CYP2J2: variants seen among roughly 807,000 people sequenced by gnomAD.
CYP2J2 encodes cytochrome P450 family 2 subfamily J member 2, also known as cytochrome P450 2J2.
CYP2J2 carries 41 observed loss-of-function variants against 48.8 expected under a neutral mutation model. The observed-to-expected ratio is 0.84, with a 90% CI of 0.66 to 1.09. The LOEUF (loss-of-function observed/expected upper bound fraction) is 1.09. CYP2J2 is among the 50% of genes least tolerant of loss of function. The pLI, the probability that CYP2J2 is intolerant of heterozygous loss-of-function variation, is 0.00. For synonymous variants in CYP2J2, 221 were observed against 227.1 expected (o/e 0.97, Z 0.24); for missense variants, 644 against 617.3 (o/e 1.04, Z -0.46).
At chr1:59,942,493 A>G in the CYP2J2 span, among the ~76,000 whole-genome samples, 16 of 152,198 alleles carry the variant, frequency 1.1e-4, no homozygotes, top group Non-Finnish European at 1.2e-4. Flanking sequence ...GAGGATAGAC[A>G]TCAGGTAGGA....
intron 2 of CYP2J2, among the ~76,000 whole-genome samples, chr1:59,913,489 C>G (rs1644437128): frequency 6.6e-6 from 1 of 152,160 alleles, no homozygotes; most frequent in Admixed American, 6.5e-5. Flanking sequence ...CTCCATATGA[C>G]TTTTCACCCA....
chr1:59,948,224 A>C, the CYP2J2 span, among the ~76,000 whole-genome samples: 7 of 152,152 alleles, frequency 4.6e-5, no homozygotes, highest in South Asian at 1.0e-3. Flanking sequence ...ACTATTCTTA[A>C]GTGGTCTCCT....
intron 1 of CYP2J2, among the ~76,000 whole-genome samples, chr1:59,921,622 C>T (rs866229465): frequency 2.0e-5 from 3 of 151,996 alleles, no homozygotes; most frequent in Admixed American, 1.3e-4. Context: ...AAGGCATACT[C>T]CCTTCTGAGA....
At chr1:59,896,857 A>G (rs904834949) in intron 8 of CYP2J2, among the ~76,000 whole-genome samples, 7 of 152,264 alleles carry the variant, frequency 4.6e-5, no homozygotes, top group African/African-American at 1.4e-4. Context: ...ACATTTTAAC[A>G]TATTTCCTCA....
chr1:59,899,427 G>C (rs1222719423), intron 8 of CYP2J2, among the ~76,000 whole-genome samples: 1 of 152,174 alleles, frequency 6.6e-6, no homozygotes, highest in Admixed American at 6.5e-5. Flanking sequence ...CAGCACAGGG[G>C]GAGAGCATGG....
intron 1 of CYP2J2, among the ~76,000 whole-genome samples, chr1:59,922,266 TC>T (rs1408342973): frequency 3.9e-5 from 6 of 152,220 alleles, no homozygotes; most frequent in African/African-American, 1.4e-4. Context: ...AGTTCACTGT[TC>T]GTTCTCAGTC....
the CYP2J2 span, among the ~76,000 whole-genome samples, chr1:59,964,910 A>G: frequency 6.6e-6 from 1 of 152,242 alleles, no homozygotes; most frequent in East Asian, 1.9e-4. Flanking sequence ...CAGGAGTAGT[A>G]CATGGGGCCA....
rs201004353 is a variant in CYP2J2 at position 59,909,866 on chromosome 1, T to C, written c.779A>G (p.His260Arg). ...ATCCTTTCTGTGTTTGTCAATCATA[T>C]GAGAAACAAACAATTTCAGTTTTTT... Reference protein sequence around the residue: ...NWKKLKLFVSHMIDKHRKDWN... With the variant: ...NWKKLKLFVSRMIDKHRKDWN... Residue 260 changes from histidine (H) to arginine (R), a missense_variant, in exon 5 of 9, where the codon CAT becomes CGT. Physicochemically the swap from His to Arg is conservative, Grantham distance 29 (BLOSUM62 0). Coordinates refer to ENST00000371204, the MANE Select transcript of CYP2J2 (RefSeq NM_000775.4). 17 of 1,612,838 alleles carry C rather than the reference T, an allele frequency of 1.1e-5. No homozygotes were observed. The Middle Eastern group carries it at 8.3e-4, about 78-fold the overall frequency.
intron 1 of CYP2J2, among the ~76,000 whole-genome samples, chr1:59,922,068 AC>A (rs547233621): frequency 2.0e-5 from 3 of 151,532 alleles, no homozygotes; most frequent in African/African-American, 7.3e-5. Context: ...GAAGGTCGTG[AC>A]CCCCCTGGAC....
intron 1 of CYP2J2, among the ~76,000 whole-genome samples, chr1:59,918,389 T>A (rs1644484734): frequency 6.6e-6 from 1 of 152,326 alleles, no homozygotes; most frequent in East Asian, 1.9e-4. Context: ...CCATTACTAT[T>A]TACTGAAATA....
chr1:59,938,729 C>T, the CYP2J2 span, among the ~76,000 whole-genome samples: 3 of 152,134 alleles, frequency 2.0e-5, no homozygotes, highest in African/African-American at 7.2e-5. Context: ...CAGCACAGAC[C>T]ATTCACGGGT....
At chr1:59,969,122 G>A in the CYP2J2 span, among the ~76,000 whole-genome samples, 1 of 152,220 alleles carries the variant, frequency 6.6e-6, no homozygotes, top group Non-Finnish European at 1.5e-5. Flanking sequence ...CATAAAGGCA[G>A]TGTGGACCCA....
chr1:59,953,336 T>C, the CYP2J2 span, among the ~76,000 whole-genome samples: 1 of 152,154 alleles, frequency 6.6e-6, no homozygotes, highest in Non-Finnish European at 1.5e-5. Flanking sequence ...TAGATACTGT[T>C]CTAGGTCCTA....
chr1:59,959,809 C>T, the CYP2J2 span, among the ~76,000 whole-genome samples: 1 of 152,070 alleles, frequency 6.6e-6, no homozygotes, highest in Non-Finnish European at 1.5e-5. Context: ...GAAAACCAGA[C>T]ATTATGTGTT....
In CYP2J2 at chr1:59,901,102, C is replaced by T. The variant is rs1213918210; in HGVS notation, c.1193G>A (p.Gly398Asp). 9 of 1,612,160 alleles carry T rather than the reference C, an allele frequency of 5.6e-6. No individual in the cohort carries two copies. Among genetic ancestry groups the T allele is most frequent in the African/African-American group, 1.3e-5 (1 of 74,866 alleles). Residue 398 changes from glycine to aspartate, a missense_variant and splice_region_variant, in exon 8 of 9, where the codon GGT becomes GAT. By Grantham distance (94) the Gly-to-Asp change is moderately conservative. Transcript: ENST00000371204. ...CGTCAAATTGGTCAGGATCATGGTA[C>T]CCTAGAGAAAGCAGCAGAGACTCAG... ...TTLAGYHLPK[G>D]TMILTNLTAL...
the CYP2J2 span, among the ~76,000 whole-genome samples, chr1:59,953,185 A>T: frequency 6.6e-5 from 10 of 152,152 alleles, no homozygotes; most frequent in African/African-American, 2.2e-4. Context: ...GTCAGAGCCC[A>T]GGGAAGTTCT....
At chr1:59,932,493 G>A in the CYP2J2 span, among the ~76,000 whole-genome samples, 2 of 152,012 alleles carry the variant, frequency 1.3e-5, no homozygotes, top group Non-Finnish European at 2.9e-5. Flanking sequence ...TAAGTTCTAA[G>A]TTTCTAAGCT....
chr1:59,929,162 C>G (rs2102146355), upstream of CYP2J2, among the ~76,000 whole-genome samples: 1 of 152,292 alleles, frequency 6.6e-6, no homozygotes, highest in Non-Finnish European at 1.5e-5. Flanking sequence ...GTGTGTACAC[C>G]CAAGTCCATG....
upstream of CYP2J2, among the ~76,000 whole-genome samples, chr1:59,930,949 C>A (rs1644599936): frequency 6.6e-6 from 1 of 152,134 alleles, no homozygotes; most frequent in Non-Finnish European, 1.5e-5. Context: ...TCTCCTTTCT[C>A]CTTTTAACTG....
Sources: gnomAD v4.1 joint callset for allele counts (sites outside exome capture counted in the v4.1 genomes callset) on GRCh38, gnomAD v4.1.1 for gene constraint, MANE v1.5 for transcripts, NCBI Gene and HGNC (gene_info 2026-07-23, HGNC 2026-07-21) for gene names.